Variants in RAP1GDS1 observed in about 807,000 individuals in gnomAD.
RAP1GDS1 encodes the protein RAP1, GTP-GDP dissociation stimulator 1.
In RAP1GDS1, 35 loss-of-function variants were observed where a neutral mutation model predicts 71.1. That is an observed-to-expected ratio of 0.49 (90% CI 0.38 to 0.65). The LOEUF (loss-of-function observed/expected upper bound fraction) is 0.65. Among genes scored for constraint, RAP1GDS1 ranks in the 30% least tolerant of loss-of-function variants. The pLI is 0.00. For synonymous variants in RAP1GDS1, 229 were observed against 243.1 expected, an observed-to-expected ratio of 0.94 and a Z score of 0.54; for missense variants, 663 against 706.1, an observed-to-expected ratio of 0.94 and a Z score of 0.69.
chr4:98,312,376 T>A (rs1030860530), intron 2 of RAP1GDS1, among the ~76,000 whole-genome samples: 3 of 152,200 alleles, frequency 2.0e-5, no homozygotes, highest in Non-Finnish European at 4.4e-5. Flanking sequence ...ATCATCTTTC[T>A]GTCAGCTGCT....
intron 12 of RAP1GDS1, 75 bp from the exon 13 acceptor site, chr4:98,433,861 G>A (rs1250031456): frequency 1.4e-6 from 2 of 1,391,614 alleles, no homozygotes; most frequent in Non-Finnish European, 2.0e-6. Context: ...ACTCAACAAT[G>A]AGTTGACTGA....
At chr4:98,320,623 G>A (rs1246479710) in intron 2 of RAP1GDS1, among the ~76,000 whole-genome samples, 65 of 145,626 alleles carry the variant, frequency 4.5e-4, no homozygotes, top group African/African-American at 9.0e-4. Context: ...CCTGACCCCC[G>A]AGCAGCCTAA....
chr4:98,352,655 A>G (rs1737388386), intron 4 of RAP1GDS1, 54 bp downstream of exon 4: 1 of 1,588,102 alleles, frequency 6.3e-7, no homozygotes, highest in Non-Finnish European at 8.6e-7. Flanking sequence ...TATGATATTC[A>G]GACTAATCTG....
At chr4:98,286,733 A>G (rs1479513561) in intron 1 of RAP1GDS1, among the ~76,000 whole-genome samples, 1 of 151,934 alleles carries the variant, frequency 6.6e-6, no homozygotes, top group Non-Finnish European at 1.5e-5. Flanking sequence ...AAAAATACAA[A>G]AAATTAGCTG....
intron 2 of RAP1GDS1, among the ~76,000 whole-genome samples, chr4:98,300,291 T>A (rs1326020402): frequency 6.6e-6 from 1 of 152,206 alleles, no homozygotes; most frequent in Non-Finnish European, 1.5e-5. Flanking sequence ...GCTCAGATGA[T>A]CGCTAGCATC....
chr4:98,381,223 G>A (rs1163173267), intron 5 of RAP1GDS1, among the ~76,000 whole-genome samples: 1 of 151,306 alleles, frequency 6.6e-6, no homozygotes, highest in Non-Finnish European at 1.5e-5. Flanking sequence ...TATTTCAAAA[G>A]CTGCAGTTTG....
rs149857435 is a variant in RAP1GDS1 at position 98,388,542 on chromosome 4, A to G, written c.509-3410A>G. ...GGAGTTCGAGACCAACCTGTCCAAC[A>G]TGGTGAAACCCTGTCTCTACTAAAA... is the stretch of plus-strand genomic sequence containing the variant. On this transcript the variant is annotated intron_variant, in intron 5 of 14. Transcript: ENST00000408927. 3.4e-3 allele frequency among the ~76,000 whole-genome samples: 513 copies of G among 152,258 alleles called. 2 individuals carry two copies. The highest frequency in any genetic ancestry group is 0.012 in the African/African-American group (488 of 41,570).
intron 2 of RAP1GDS1, among the ~76,000 whole-genome samples, chr4:98,317,820 A>G (rs577248215): frequency 1.0e-4 from 15 of 148,620 alleles, no homozygotes; most frequent in East Asian, 3.9e-4. Context: ...GACTATATAT[A>G]TATATATTTT....
chr4:98,299,109 C>T (rs920135111), intron 2 of RAP1GDS1, among the ~76,000 whole-genome samples: 1 of 152,148 alleles, frequency 6.6e-6, no homozygotes, highest in Non-Finnish European at 1.5e-5. Flanking sequence ...CCGCTGTGTC[C>T]AAGTGTTCTC....
rs1336188942 is a variant in RAP1GDS1, at chr4:98,443,191, A to G, written c.*1074A>G. The G allele has an allele frequency of 4.3e-6, 1 of 232,418 alleles. No homozygotes were observed. Among genetic ancestry groups the G allele is most frequent in the Non-Finnish European group, 8.5e-6 (1 of 117,700 alleles). The allele number at this position is 232,418 out of a possible 1,614,324, so 14.4% of individuals were successfully genotyped here. A position where few individuals can be genotyped will look rare whatever the true frequency, so the allele number is the denominator to read the frequency against. On this transcript the variant is annotated 3_prime_UTR_variant, in exon 15 of 15. Transcript: ENST00000408927. Reference sequence around the variant, plus strand: ...GAAAGCAGGTTATAAAAGCCATAGTAGCCAGTCCAGTTCATTCTGCAGATG... The same window carrying G: ...GAAAGCAGGTTATAAAAGCCATAGTGGCCAGTCCAGTTCATTCTGCAGATG...
intron 2 of RAP1GDS1, among the ~76,000 whole-genome samples, chr4:98,342,192 T>C (rs1383107086): frequency 6.6e-6 from 1 of 152,152 alleles, no homozygotes; most frequent in Non-Finnish European, 1.5e-5. Context: ...AAAATGATTT[T>C]CCTCCTCTTT....
At chr4:98,409,088 A>T (rs1381628065) in intron 7 of RAP1GDS1, among the ~76,000 whole-genome samples, 1 of 152,320 alleles carries the variant, frequency 6.6e-6, no homozygotes, top group East Asian at 1.9e-4. Flanking sequence ...TTCATTTATG[A>T]TGTGATTATG....
chr4:98,399,183 C>T (rs907248491), intron 6 of RAP1GDS1, among the ~76,000 whole-genome samples: 2 of 151,876 alleles, frequency 1.3e-5, no homozygotes, highest in African/African-American at 4.8e-5. Context: ...ATGTATAAGA[C>T]GTCAGAACAC....
rs1752118840 is a variant in RAP1GDS1 at position 98,443,495 on chromosome 4, A to G, written c.*1378A>G. The G allele has an allele frequency of 8.7e-6, 2 of 229,258 alleles. No individual in the cohort carries two copies. Among genetic ancestry groups the G allele is most frequent in the East Asian group, 1.2e-4 (2 of 16,114 alleles). The allele number at this position is 229,258 out of a possible 1,614,324, so 14.2% of individuals were successfully genotyped here. On this transcript the variant is annotated 3_prime_UTR_variant, in exon 15 of 15. Coordinates refer to ENST00000408927, the MANE Select transcript of RAP1GDS1 (RefSeq NM_001100427.2). The stretch of plus-strand genomic sequence containing the variant: ...CCTAAAAGGCAAGATGGGCTTCGAT[A>G]TAGAAGGACTGCAAGACAGTAGAAA...
chr4:98,313,521 T>A (rs1192471146), intron 2 of RAP1GDS1, among the ~76,000 whole-genome samples: 1 of 152,124 alleles, frequency 6.6e-6, no homozygotes, highest in East Asian at 1.9e-4. Flanking sequence ...TAGTGAGGAA[T>A]ACCTTAGCAT....
intron 1 of RAP1GDS1, among the ~76,000 whole-genome samples, chr4:98,283,910 AT>A (rs1170483030): frequency 6.7e-6 from 1 of 150,254 alleles, no homozygotes; most frequent in Non-Finnish European, 1.5e-5. Flanking sequence ...TTATAAATTC[AT>A]TTTGGAAGAG....
chr4:98,342,877 T>G (rs1207741473), intron 2 of RAP1GDS1, among the ~76,000 whole-genome samples: 1 of 152,182 alleles, frequency 6.6e-6, no homozygotes, highest in African/African-American at 2.4e-5. Context: ...GCAAATGATA[T>G]ATTCAGAAAG....
chr4:98,414,784 T>A lies in RAP1GDS1; in HGVS notation c.764-1961T>A, dbSNP rs890018627. 9.3e-4 allele frequency among the ~76,000 whole-genome samples: 142 copies of A among 152,210 alleles called. 1 individual carries two copies. Among genetic ancestry groups the A allele is most frequent in the Middle Eastern group, 3.4e-3 (1 of 294 alleles). On this transcript the variant is annotated intron_variant, in intron 7 of 14. Transcript: ENST00000408927. ...ATTGGTAGCTTTATGGGGATGGCATTGAATCTGTAAATTACCTTGGGTAGT... is the reference window on the plus strand; with the variant it reads ...ATTGGTAGCTTTATGGGGATGGCATAGAATCTGTAAATTACCTTGGGTAGT...
intron 2 of RAP1GDS1, among the ~76,000 whole-genome samples, chr4:98,321,585 C>T (rs554070482): frequency 6.6e-6 from 1 of 151,704 alleles, no homozygotes; most frequent in Non-Finnish European, 1.5e-5. Flanking sequence ...GGCAGAAACC[C>T]TACAAGCCAG....
Sources: allele counts gnomAD v4.1 joint callset (sites outside exome capture counted in the v4.1 genomes callset), GRCh38; gene constraint gnomAD v4.1.1; transcripts MANE v1.5; gene names NCBI Gene and HGNC (gene_info 2026-07-23, HGNC 2026-07-21).